LRRC28: variants seen among roughly 807,000 people sequenced by gnomAD.
The protein encoded by LRRC28 is leucine rich repeat containing 28.
In LRRC28, 39 loss-of-function variants were observed where a neutral mutation model predicts 45.7. That is an observed-to-expected ratio of 0.85 (90% confidence interval 0.66 to 1.12). The LOEUF is 1.12. Among genes scored for constraint, LRRC28 ranks in the 50% most tolerant of loss-of-function variants. The pLI, the probability that LRRC28 is intolerant of heterozygous loss-of-function variation, is 0.00. For missense variants in LRRC28, 435 were observed against 438.5 expected (o/e 0.99, Z 0.07); for synonymous variants, 206 against 178.8 (o/e 1.15, Z -1.22).
chr15:99,273,368 C>T (rs929168558), intron 2 of LRRC28, among the ~76,000 whole-genome samples: 1 of 152,084 alleles, frequency 6.6e-6, no homozygotes, highest in Non-Finnish European at 1.5e-5. Flanking sequence ...TCCTGAGTAG[C>T]TGGGACTACA....
At chr15:99,349,874 C>T (rs565544781) in intron 6 of LRRC28, among the ~76,000 whole-genome samples, 367 of 152,242 alleles carry the variant, frequency 2.4e-3, no homozygotes, top group African/African-American at 8.2e-3. Context: ...CGGTGGCTCA[C>T]GCCTGTAATC....
At chr15:99,318,705 A>G (rs1250213903) in intron 5 of LRRC28, among the ~76,000 whole-genome samples, 1 of 152,032 alleles carries the variant, frequency 6.6e-6, no homozygotes, top group African/African-American at 2.4e-5. Context: ...GTAAATTGTG[A>G]TGTGAGTTTC....
rs142799900 is a variant in LRRC28 at position 99,389,384 on chromosome 15, C to A, written c.*3282C>A. On this transcript the variant is annotated 3_prime_UTR_variant, in exon 10 of 10. Coordinates refer to ENST00000301981, the MANE Select transcript of LRRC28 (RefSeq NM_144598.5). ...GTAACTATTTTGTAGTCTGTGGGGACTTTCAAAGCCAATTTTTAAAATTAG... is the reference window on the plus strand; with the variant it reads ...GTAACTATTTTGTAGTCTGTGGGGAATTTCAAAGCCAATTTTTAAAATTAG... 10 of 152,280 alleles carry A rather than the reference C, an allele frequency of 6.6e-5. No homozygotes were observed. Among genetic ancestry groups the A allele is most frequent in the African/African-American group, 2.4e-4 (10 of 41,540 alleles). The allele number at this position is 152,280 out of a possible 1,614,324, so 9.4% of individuals were successfully genotyped here.
At chr15:99,298,801 T>C (rs1409730036) in intron 5 of LRRC28, among the ~76,000 whole-genome samples, 1 of 152,106 alleles carries the variant, frequency 6.6e-6, no homozygotes, top group Non-Finnish European at 1.5e-5. Flanking sequence ...CTTCTCCTCC[T>C]GGGTTGAAGC....
At chr15:99,367,872 C>A (rs979650659) in intron 9 of LRRC28, among the ~76,000 whole-genome samples, 1 of 152,076 alleles carries the variant, frequency 6.6e-6, no homozygotes. Context: ...TTTCAGCCCC[C>A]CTCCCCTCCC....
In LRRC28 at chr15:99,349,878, T is replaced by G. The variant is rs993344388; in HGVS notation, c.593-2491T>G. Among the ~76,000 whole-genome samples the G allele has an allele frequency of 7.2e-4, 109 of 152,288 alleles. 1 individual carries two copies. Among genetic ancestry groups the G allele is most frequent in the Non-Finnish European group, 1.3e-3 (91 of 68,032 alleles). ...GCGGCCGGGCGCGGTGGCTCACGCC[T>G]GTAATCCCAGCACTTTGGGAGGCCG... On this transcript the variant is annotated intron_variant, in intron 6 of 9. Coordinates refer to ENST00000301981, the MANE Select transcript of LRRC28 (RefSeq NM_144598.5).
intron 6 of LRRC28, among the ~76,000 whole-genome samples, chr15:99,341,551 G>A: frequency 6.6e-6 from 1 of 152,164 alleles, no homozygotes; most frequent in Non-Finnish European, 1.5e-5. Flanking sequence ...AGAGAAAAGT[G>A]CACCTAGATT....
intron 3 of LRRC28, chr15:99,285,807 T>A (rs561930637): frequency 4.1e-4 from 185 of 455,216 alleles, no homozygotes; most frequent in Non-Finnish European, 5.6e-4. Context: ...TTGAAAAAAA[T>A]TTTTTTAATC....
intron 5 of LRRC28, among the ~76,000 whole-genome samples, chr15:99,306,433 A>G (rs1001264203): frequency 6.6e-6 from 1 of 152,246 alleles, no homozygotes; most frequent in Admixed American, 6.5e-5. Flanking sequence ...TTGTTTAAAC[A>G]TACATACACA....
chr15:99,384,862 AAC>A (rs1372774098), intron 9 of LRRC28: 2 of 152,252 alleles, frequency 1.3e-5, no homozygotes, highest in East Asian at 1.9e-4. Context: ...CACTTCTCAT[AAC>A]ACATACTGTA....
intron 6 of LRRC28, among the ~76,000 whole-genome samples, chr15:99,339,108 A>G (rs563316355): frequency 2.5e-4 from 38 of 150,922 alleles, no homozygotes; most frequent in Admixed American, 1.3e-3. Flanking sequence ...GAGAACTGCA[A>G]CTCATTTCTT....
chr15:99,283,076 A>T (rs1393397535), intron 3 of LRRC28, among the ~76,000 whole-genome samples: 2 of 151,998 alleles, frequency 1.3e-5, no homozygotes. Flanking sequence ...TAGTTTTAGT[A>T]GAGACGAGGT....
chr15:99,390,255 T>G lies in LRRC28; in HGVS notation c.*4153T>G, dbSNP rs919593622. 6.6e-6 allele frequency: 1 copy of G among 152,224 alleles called. No individual in the cohort carries two copies. The highest frequency in any genetic ancestry group is 2.4e-5 in the African/African-American group (1 of 41,446). 9.4% of individuals were successfully genotyped at this position (152,224 alleles called of 1,614,324 possible). A position where few individuals can be genotyped will look rare whatever the true frequency, so the allele number is the denominator to read the frequency against. ...AGCCAAGTGACTGACATTCTCTCGGTCAGGAAAAGAGCTTGCTTCACAGCC... is the reference window on the plus strand; with the variant it reads ...AGCCAAGTGACTGACATTCTCTCGGGCAGGAAAAGAGCTTGCTTCACAGCC... On this transcript the variant is annotated 3_prime_UTR_variant, in exon 10 of 10. Coordinates refer to ENST00000301981, the MANE Select transcript of LRRC28 (RefSeq NM_144598.5).
intron 5 of LRRC28, among the ~76,000 whole-genome samples, chr15:99,307,084 A>G (rs1955212021): frequency 1.3e-5 from 2 of 152,210 alleles, no homozygotes; most frequent in South Asian, 4.1e-4. Context: ...AATTGCCATT[A>G]GACTGTATGT....
intron 5 of LRRC28, among the ~76,000 whole-genome samples, chr15:99,304,187 G>A (rs2136628): frequency 0.14 from 21,107 of 152,220 alleles, 1,495 homozygotes; most frequent in Non-Finnish European, 0.16. Context: ...GCAGAGTTGA[G>A]TAGTTGTGAC....
At position 99,363,224 on chromosome 15, in the gene LRRC28, C is replaced by G. The variant is rs950321586; in HGVS notation, c.990C>G (p.Leu330=). ...EPMFTIVYPK[L]FPLRETPMAG... Reference sequence around the variant, plus strand: ...TGTTTACCATCGTCTACCCCAAGCTCTTTCCCTTGAGAGAGACGCCAATGG... The same window carrying G: ...TGTTTACCATCGTCTACCCCAAGCTGTTTCCCTTGAGAGAGACGCCAATGG... Residue 330 remains leucine (L), a synonymous_variant, in exon 9 of 10, where the codon CTC becomes CTG. Coordinates refer to ENST00000301981, the MANE Select transcript of LRRC28 (RefSeq NM_144598.5). 2 of 1,614,088 alleles carry G rather than the reference C, an allele frequency of 1.2e-6. No homozygotes were observed. Among genetic ancestry groups the G allele is most frequent in the South Asian group, 2.2e-5 (2 of 91,080 alleles).
chr15:99,308,287 T>C (rs1018022045), intron 5 of LRRC28, among the ~76,000 whole-genome samples: 1 of 152,186 alleles, frequency 6.6e-6, no homozygotes, highest in African/African-American at 2.4e-5. Flanking sequence ...TTCTCAGTAG[T>C]GTTTTTTCCA....
chr15:99,347,029 A>G (rs1161692586), intron 6 of LRRC28, among the ~76,000 whole-genome samples: 1 of 152,234 alleles, frequency 6.6e-6, no homozygotes, highest in Admixed American at 6.5e-5. Flanking sequence ...TCATGACAAG[A>G]GCAGCTAAAA....
intron 6 of LRRC28, among the ~76,000 whole-genome samples, chr15:99,338,967 T>G (rs1461151692): frequency 6.6e-6 from 1 of 152,120 alleles, no homozygotes; most frequent in East Asian, 1.9e-4. Flanking sequence ...GATAGAAGCT[T>G]TGTTCACAGT....
Sources: gnomAD v4.1 joint callset for allele counts (sites outside exome capture counted in the v4.1 genomes callset) on GRCh38, gnomAD v4.1.1 for gene constraint, MANE v1.5 for transcripts, NCBI Gene and HGNC (gene_info 2026-07-23, HGNC 2026-07-21) for gene names.